The following IQCM variants were observed in gnomAD, a reference collection of about 807,000 sequenced individuals.
IQCM encodes the protein IQ domain-containing protein M.
IQCM carries 45 observed loss-of-function variants against 57.6 expected under a neutral mutation model. The ratio of observed to expected loss-of-function variants is 0.78; its 90% confidence interval spans 0.62 to 1.00. The LOEUF is 1.00. Among genes scored for constraint, IQCM ranks in the 50% least tolerant of loss-of-function variants. The pLI is 0.00. For synonymous variants in IQCM, 148 were observed against 158.9 expected (o/e 0.93, Z 0.51); for missense variants, 468 against 511.6 (o/e 0.91, Z 0.82).
In IQCM at chr4:149,419,739, C is replaced by T. The variant is rs184208786; in HGVS notation, c.1390+13657G>A. 2.8e-3 allele frequency among the ~76,000 whole-genome samples: 430 copies of T among 151,980 alleles called. 7 individuals carry two copies. Among genetic ancestry groups the T allele is most frequent in the African/African-American group, 9.8e-3 (408 of 41,468 alleles). On this transcript the variant is annotated intron_variant, in intron 13 of 13. Transcript: ENST00000636793. ...GTGGGTGAAAAATCTTGCAATCTACCCATCTGACAAAGGTCTAATATCCAG... is the reference window on the plus strand; with the variant it reads ...GTGGGTGAAAAATCTTGCAATCTACTCATCTGACAAAGGTCTAATATCCAG...
intron 2 of IQCM, among the ~76,000 whole-genome samples, chr4:149,754,860 TC>T (rs1768815533): frequency 6.6e-6 from 1 of 152,174 alleles, no homozygotes; most frequent in African/African-American, 2.4e-5. Flanking sequence ...CCTGGGCCTC[TC>T]CCCTTGTCTA....
intron 7 of IQCM, among the ~76,000 whole-genome samples, chr4:149,658,782 C>T (rs1175016531): frequency 2.0e-5 from 3 of 151,994 alleles, no homozygotes; most frequent in African/African-American, 7.2e-5. Context: ...AGACAGTTCA[C>T]TATAATCATA....
intron 2 of IQCM, among the ~76,000 whole-genome samples, chr4:149,744,957 G>GA (rs1166889097): frequency 6.6e-6 from 1 of 152,152 alleles, no homozygotes; most frequent in African/African-American, 2.4e-5. Context: ...TGAGTACTAT[G>GA]AGTTCAAATG....
chr4:149,422,756 A>G (rs1413209717), intron 13 of IQCM, among the ~76,000 whole-genome samples: 1 of 152,014 alleles, frequency 6.6e-6, no homozygotes, highest in Admixed American at 6.6e-5. Flanking sequence ...CAATTCAAAT[A>G]TTCTTCTAAT....
intron 10 of IQCM, among the ~76,000 whole-genome samples, chr4:149,558,484 T>C (rs979702843): frequency 2.6e-5 from 4 of 152,234 alleles, no homozygotes; most frequent in African/African-American, 9.6e-5. Context: ...TCAGGAAAGA[T>C]AAAATTTCTG....
intron 12 of IQCM, among the ~76,000 whole-genome samples, chr4:149,476,556 T>C (rs1299249362): frequency 2.0e-5 from 3 of 152,088 alleles, no homozygotes; most frequent in Non-Finnish European, 2.9e-5. Flanking sequence ...AGACTGGGAC[T>C]ATAGGCTTGT....
intron 13 of IQCM, among the ~76,000 whole-genome samples, chr4:149,406,216 T>C (rs1339207546): frequency 6.6e-6 from 1 of 151,938 alleles, no homozygotes; most frequent in Non-Finnish European, 1.5e-5. Context: ...TCTGACCCTG[T>C]GGGATTCATT....
chr4:149,480,256 A>T (rs557876337), intron 12 of IQCM, among the ~76,000 whole-genome samples: 1 of 152,248 alleles, frequency 6.6e-6, no homozygotes, highest in Admixed American at 6.5e-5. Context: ...TGCAATGCAT[A>T]ATAAACAATC....
At chr4:149,711,200 A>G (rs916278578) in intron 5 of IQCM, 3 of 152,148 alleles carry the variant, frequency 2.0e-5, no homozygotes, top group Non-Finnish European at 4.4e-5. Flanking sequence ...TAAGAAGAAA[A>G]GCAACTTGCT....
chr4:149,537,147 G>A (rs754981820), intron 12 of IQCM, among the ~76,000 whole-genome samples: 61 of 151,936 alleles, frequency 4.0e-4, no homozygotes, highest in Non-Finnish European at 6.8e-4. Flanking sequence ...TCAGAGGTTA[G>A]ATTTAACAGA....
chr4:149,439,409 A>C (rs1308037181), intron 12 of IQCM, among the ~76,000 whole-genome samples: 2 of 152,074 alleles, frequency 1.3e-5, no homozygotes, highest in East Asian at 3.9e-4. Flanking sequence ...CCCTGTCTTC[A>C]AGGGCTTTAG....
intron 13 of IQCM, among the ~76,000 whole-genome samples, chr4:149,404,308 A>G (rs1208527900): frequency 6.6e-6 from 1 of 152,042 alleles, no homozygotes; most frequent in Non-Finnish European, 1.5e-5. Flanking sequence ...AATGGCCACT[A>G]TCAAAGCATG....
chr4:149,417,326 T>A (rs902489445), intron 13 of IQCM, among the ~76,000 whole-genome samples: 11 of 152,120 alleles, frequency 7.2e-5, no homozygotes, highest in African/African-American at 2.4e-4. Flanking sequence ...GAGGAGAGAT[T>A]CCCTGGAGAT....
intron 9 of IQCM, among the ~76,000 whole-genome samples, chr4:149,574,308 C>T (rs1228960180): frequency 6.6e-6 from 1 of 151,744 alleles, no homozygotes; most frequent in Admixed American, 6.6e-5. Flanking sequence ...ACATTTTTAG[C>T]CACTAAAGAG....
At chr4:149,368,603 T>C (rs1029292395) in intron 13 of IQCM, among the ~76,000 whole-genome samples, 2 of 151,352 alleles carry the variant, frequency 1.3e-5, no homozygotes, top group African/African-American at 2.4e-5. Context: ...ACATGAGAGA[T>C]GAAAATACAA....
intron 12 of IQCM, among the ~76,000 whole-genome samples, chr4:149,486,038 TC>T: frequency 6.6e-6 from 1 of 150,992 alleles, no homozygotes; most frequent in Non-Finnish European, 1.5e-5. Flanking sequence ...TCTCTCTCTC[TC>T]TCTCTCTCTC....
chr4:149,358,028 T>C (rs925455339), intron 13 of IQCM, among the ~76,000 whole-genome samples: 3 of 152,206 alleles, frequency 2.0e-5, no homozygotes, highest in African/African-American at 7.2e-5. Context: ...CTAGTTTATT[T>C]GCGTAGAGAT....
chr4:149,504,480 A>G (rs1177219093), intron 12 of IQCM, among the ~76,000 whole-genome samples: 1 of 150,726 alleles, frequency 6.6e-6, no homozygotes, highest in East Asian at 2.0e-4. Flanking sequence ...CCCAGCCCAC[A>G]CCCACCCCCC....
At chr4:149,797,968 T>A (rs1474711782) in intron 2 of IQCM, among the ~76,000 whole-genome samples, 29 of 151,552 alleles carry the variant, frequency 1.9e-4, no homozygotes, top group Admixed American at 1.9e-3. Context: ...AAAAAAGACA[T>A]TAATGAGCAA....
Sources: allele counts gnomAD v4.1 joint callset (sites outside exome capture counted in the v4.1 genomes callset), GRCh38; gene constraint gnomAD v4.1.1; transcripts MANE v1.5; gene names NCBI Gene and HGNC (gene_info 2026-07-23, HGNC 2026-07-21).